CFAP20: variants seen among roughly 807,000 people sequenced by gnomAD.
CFAP20 encodes the protein cilia and flagella associated protein 20.
In CFAP20, 14 loss-of-function variants were observed where a neutral mutation model predicts 25.5. The ratio of observed to expected loss-of-function variants is 0.55; its 90% CI spans 0.36 to 0.86. CFAP20 has a LOEUF of 0.86. CFAP20 is among the 40% of genes least tolerant of loss of function. The pLI is 0.01. For missense variants in CFAP20, 181 were observed against 248.0 expected, an observed-to-expected ratio of 0.73 and a Z score of 1.81; for synonymous variants, 75 against 91.1, an observed-to-expected ratio of 0.82 and a Z score of 1.01.
rs1038970743 is a variant in CFAP20, at chr16:58,129,353, C to G, written c.-238G>C. On this transcript the variant is annotated 5_prime_UTR_variant, in exon 1 of 6. Coordinates refer to ENST00000262498, the MANE Select transcript of CFAP20 (RefSeq NM_013242.3). ...GAACGGAAACCACAGCAACTACCGT[C>G]CGCGCCGCGGTATTTCCCCGCCTTC... The G allele has an allele frequency of 2.0e-6, 1 of 496,690 alleles. No homozygotes were observed. The highest frequency in any genetic ancestry group is 3.3e-5 in the East Asian group (1 of 30,652). The allele number at this position is 496,690 out of a possible 1,614,324, so 30.8% of individuals were successfully genotyped here. A position where few individuals can be genotyped will look rare whatever the true frequency, so the allele number is the denominator to read the frequency against.
chr16:58,114,942 T>G (rs1960436997), intron 4 of CFAP20, 22 bp from the exon 5 acceptor site: 1 of 1,580,836 alleles, frequency 6.3e-7, no homozygotes, highest in East Asian at 2.2e-5. Context: ...ATGCTTCTTT[T>G]GAGAGGCGAA....
intron 1 of CFAP20, among the ~76,000 whole-genome samples, chr16:58,118,518 A>C (rs113853660): frequency 0.031 from 4,664 of 149,370 alleles, 91 homozygotes; most frequent in East Asian, 0.083. Flanking sequence ...AAACGAAAAA[A>C]AAAAAACAAA....
intron 1 of CFAP20, chr16:58,119,030 A>C (rs1268494601): frequency 6.6e-6 from 1 of 152,178 alleles, no homozygotes; most frequent in African/African-American, 2.4e-5. Context: ...CAGCCTGCTG[A>C]TTACGATTTG....
At chr16:58,117,615 A>G (rs925884073) in intron 1 of CFAP20, among the ~76,000 whole-genome samples, 1 of 151,458 alleles carries the variant, frequency 6.6e-6, no homozygotes, top group African/African-American at 2.4e-5. Flanking sequence ...TTGTATCTTT[A>G]GTAGAGACGG....
intron 5 of CFAP20, 63 bp downstream of exon 5, chr16:58,114,747 C>A (rs1379805054): frequency 7.3e-7 from 1 of 1,368,086 alleles, no homozygotes; most frequent in African/African-American, 1.4e-5. Flanking sequence ...GACCAGAGCA[C>A]CTTCCAGGAA....
chr16:58,115,076 C>G, intron 4 of CFAP20, 156 bp from the exon 5 acceptor site: 1 of 974,584 alleles, frequency 1.0e-6, no homozygotes, highest in Non-Finnish European at 1.6e-6. Flanking sequence ...GGAGGTCTTA[C>G]TTGCTGTATT....
chr16:58,126,969 T>C (rs918669279), intron 1 of CFAP20, among the ~76,000 whole-genome samples: 7 of 148,328 alleles, frequency 4.7e-5, no homozygotes, highest in African/African-American at 1.8e-4. Flanking sequence ...ATAAGAAGAG[T>C]TAGAAACACA....
chr16:58,114,778 G>C, intron 5 of CFAP20, 32 bp downstream of exon 5: 1 of 1,550,166 alleles, frequency 6.5e-7, no homozygotes, highest in Non-Finnish European at 8.9e-7. Flanking sequence ...CCCACTCACT[G>C]GTGGACCTTC....
chr16:58,125,039 C>T (rs921398402), intron 1 of CFAP20, among the ~76,000 whole-genome samples: 4 of 152,194 alleles, frequency 2.6e-5, no homozygotes, highest in Non-Finnish European at 5.9e-5. Context: ...TGTAATAACA[C>T]TTAGCTTAAA....
At chr16:58,123,468 C>T (rs531974810) in intron 1 of CFAP20, among the ~76,000 whole-genome samples, 7 of 147,408 alleles carry the variant, frequency 4.7e-5, no homozygotes, top group African/African-American at 7.3e-5. Context: ...TGGTGGCGGG[C>T]GCCTGTAGTC....
chr16:58,114,045 CA>C lies in CFAP20; in HGVS notation c.577-16del. On this transcript the variant is annotated splice_polypyrimidine_tract_variant and intron_variant, in intron 5 of 5. Transcript: ENST00000262498. ...TCCAGTTATTGCTGAAGGGAAAAAA[CA>C]GAGAAGTGGCATCAGTTTAAGTTAC... The C allele has an allele frequency of 6.2e-7, 1 of 1,613,476 alleles. No individual in the cohort carries two copies. Among genetic ancestry groups the C allele is most frequent in the South Asian group, 1.1e-5 (1 of 91,070 alleles).
intron 1 of CFAP20, among the ~76,000 whole-genome samples, chr16:58,122,828 A>G (rs1271935805): frequency 6.6e-6 from 1 of 152,226 alleles, no homozygotes; most frequent in Non-Finnish European, 1.5e-5. Context: ...TTAGAACAGG[A>G]CATGGGAATC....
At position 58,114,525 on chromosome 16, in the gene CFAP20, C is replaced by CAAAAAAA. The variant is rs57272078; in HGVS notation, c.576+278_576+284dup. Among the ~76,000 whole-genome samples the CAAAAAAA allele has an allele frequency of 1.1e-4, 14 of 129,006 alleles. No individual in the cohort carries two copies. In the South Asian group the frequency reaches 1.6e-3, roughly 15 times the overall value. 84.6% of individuals were successfully genotyped at this position (129,006 alleles called of 152,430 possible). ...TGGGCAACAGGGCAAGACTCCATCT[C>CAAAAAAA]AAAAAAAAAAAAAAGTTAAGATATT... On this transcript the variant is annotated intron_variant, in intron 5 of 5. Transcript: ENST00000262498.
At chr16:58,119,860 C>A (rs889525765) in intron 1 of CFAP20, among the ~76,000 whole-genome samples, 1 of 134,212 alleles carries the variant, frequency 7.5e-6, no homozygotes, top group Non-Finnish European at 1.6e-5. Flanking sequence ...TGTTCCCAAC[C>A]TAAGTGCCCA....
chr16:58,115,975 C>T (rs1597086295), intron 3 of CFAP20, 66 bp downstream of exon 3: 2 of 1,174,170 alleles, frequency 1.7e-6, no homozygotes, highest in East Asian at 4.7e-5. Context: ...TCACTTTTTC[C>T]CATCAGTTCA....
intron 2 of CFAP20, 87 bp from the exon 3 acceptor site, chr16:58,116,239 T>A: frequency 1.1e-6 from 1 of 938,338 alleles, no homozygotes; most frequent in Non-Finnish European, 1.6e-6. Flanking sequence ...TCCAAGAGGA[T>A]ACACTGGAAA....
intron 2 of CFAP20, chr16:58,116,539 C>G (rs1225838497): frequency 2.6e-6 from 1 of 387,448 alleles, no homozygotes; most frequent in African/African-American, 2.0e-5. Context: ...CAACACTGCC[C>G]ACTCCCCACC....
At chr16:58,116,802 C>CT in intron 2 of CFAP20, 70 bp downstream of exon 2, 1 of 1,405,440 alleles carries the variant, frequency 7.1e-7, no homozygotes, top group East Asian at 2.3e-5. Flanking sequence ...GCAGTCTGTG[C>CT]TATTAACCTC....
intron 1 of CFAP20, among the ~76,000 whole-genome samples, chr16:58,123,595 C>CAAAAAAAAAAAAAAA (rs574037205): frequency 6.6e-5 from 3 of 45,720 alleles, no homozygotes; most frequent in Non-Finnish European, 1.3e-4. Context: ...GACTCTGTCT[C>CAAAAAAAAAAAAAAA]AAAAAAAAAA....
Sources: allele counts gnomAD v4.1 joint callset (sites outside exome capture counted in the v4.1 genomes callset), GRCh38; gene constraint gnomAD v4.1.1; transcripts MANE v1.5; gene names NCBI Gene and HGNC (gene_info 2026-07-23, HGNC 2026-07-21).